The following BCAT1 variants were observed in gnomAD, a reference collection of about 807,000 sequenced individuals.
The protein encoded by BCAT1 is branched-chain-amino-acid aminotransferase, cytosolic.
A neutral mutation model predicts 52.4 loss-of-function variants in BCAT1; 48 were observed. The observed-to-expected ratio is 0.92, with a 90% confidence interval of 0.73 to 1.16. The LOEUF (loss-of-function observed/expected upper bound fraction) is 1.16, where lower values mean the gene tolerates loss of function less well. Among genes scored for constraint, BCAT1 ranks in the 50% most tolerant of loss-of-function variants. The probability of loss-of-function intolerance (pLI) is 0.00; values close to 1 mark genes in which losing one functional copy is unlikely to be tolerated. For synonymous variants in BCAT1, 167 were observed against 161.3 expected (o/e 1.04, Z -0.27); for missense variants, 451 against 457.1 (o/e 0.99, Z 0.12).
intron 7 of BCAT1, among the ~76,000 whole-genome samples, chr12:24,840,628 T>C (rs1473539984): frequency 6.6e-6 from 1 of 152,204 alleles, no homozygotes; most frequent in African/African-American, 2.4e-5. Context: ...ATATCTTCTG[T>C]TTATTCTACC....
intron 6 of BCAT1, among the ~76,000 whole-genome samples, chr12:24,849,395 G>C (rs1321497552): frequency 6.6e-6 from 1 of 152,194 alleles, no homozygotes; most frequent in Non-Finnish European, 1.5e-5. Context: ...TGGGTCCCAG[G>C]ACCAGATGCT....
rs1258411951 is a variant in BCAT1 at position 24,880,743 on chromosome 12, C to T, written c.390+558G>A. 2.6e-5 allele frequency among the ~76,000 whole-genome samples: 4 copies of T among 152,114 alleles called. No individual in the cohort carries two copies. In the East Asian group the frequency reaches 7.7e-4, roughly 29 times the overall value. The stretch of plus-strand genomic sequence containing the variant: ...GGTTGAGATACATTTTTCTTCCTTA[C>T]TCTTTCATCTCTCACTTGCATATGA... On this transcript the variant is annotated intron_variant, in intron 4 of 10. Transcript: ENST00000261192.
intron 7 of BCAT1, among the ~76,000 whole-genome samples, chr12:24,840,948 G>C (rs1565457017): frequency 6.6e-6 from 1 of 152,014 alleles, no homozygotes; most frequent in African/African-American, 2.4e-5. Context: ...TTCTAAATTT[G>C]GTATGATTAT....
At chr12:24,886,023 C>G (rs1454008182) in intron 3 of BCAT1, among the ~76,000 whole-genome samples, 2 of 152,112 alleles carry the variant, frequency 1.3e-5, no homozygotes, top group African/African-American at 2.4e-5. Context: ...AAACATATTT[C>G]TTGTCATCAA....
At chr12:24,853,020 T>C (rs1367318442) in intron 5 of BCAT1, among the ~76,000 whole-genome samples, 1 of 152,238 alleles carries the variant, frequency 6.6e-6, no homozygotes, top group Non-Finnish European at 1.5e-5. Flanking sequence ...TCTGTTTCTA[T>C]GCTTAGGAGT....
intron 1 of BCAT1, chr12:24,904,738 A>G (rs1047162384): frequency 3.3e-5 from 5 of 152,250 alleles, no homozygotes; most frequent in Non-Finnish European, 7.3e-5. Flanking sequence ...AAAACGGTGT[A>G]TCTATCCACC....
Position 24,819,425 on chromosome 12 carries a change from G to A in BCAT1, c.1120-1376C>T, listed in dbSNP as rs746434334. Among the ~76,000 whole-genome samples, 47 of 152,092 alleles carry A rather than the reference G, an allele frequency of 3.1e-4. 1 individual carries two copies. Among genetic ancestry groups the A allele is most frequent in the Non-Finnish European group, 1.2e-4 (8 of 68,012 alleles). On this transcript the variant is annotated intron_variant, in intron 10 of 10. Coordinates refer to ENST00000261192, the MANE Select transcript of BCAT1 (RefSeq NM_005504.7). ...GTAGGAGATGACTCAAATAAGTGGG[G>A]CTCTGGATTTTACTTCTTTACTTCA...
At chr12:24,844,274 CA>C (rs146665060) in intron 6 of BCAT1, among the ~76,000 whole-genome samples, 6 of 151,450 alleles carry the variant, frequency 4.0e-5, no homozygotes, top group African/African-American at 1.5e-4. Context: ...CTAAAAATAA[CA>C]AAAAAATTAG....
intron 5 of BCAT1, among the ~76,000 whole-genome samples, chr12:24,864,076 A>T (rs1406519157): frequency 6.6e-6 from 1 of 152,300 alleles, no homozygotes; most frequent in Admixed American, 6.5e-5. Flanking sequence ...CTGCTTTTGT[A>T]CTATAAAAGC....
At chr12:24,825,135 G>GTATA (rs10548732) in intron 10 of BCAT1, among the ~76,000 whole-genome samples, 80 of 146,560 alleles carry the variant, frequency 5.5e-4, no homozygotes, top group African/African-American at 1.6e-3. Context: ...GTGTGTGTGT[G>GTATA]TATATATATA....
Position 24,822,396 on chromosome 12 carries a change from GGTT to G in BCAT1, c.1120-4350_1120-4348del, listed in dbSNP as rs1292619034. 5.3e-5 allele frequency among the ~76,000 whole-genome samples: 8 copies of G among 152,296 alleles called. No homozygotes were observed. In the East Asian group the frequency reaches 1.5e-3, roughly 29 times the overall value. On this transcript the variant is annotated intron_variant, in intron 10 of 10. Coordinates refer to ENST00000261192, the MANE Select transcript of BCAT1 (RefSeq NM_005504.7). ...GAGCCATACTGGCAAGAATCTTGAA[GGTT>G]TTTTCGGTGGCTGTTGTTGGCCTCT...
chr12:24,817,755 T>G lies in BCAT1; in HGVS notation c.*253A>C. 1 of 450,384 alleles carries G rather than the reference T, an allele frequency of 2.2e-6. No homozygotes were observed. The highest frequency in any genetic ancestry group is 4.1e-5 in the South Asian group (1 of 24,674). 27.9% of individuals were successfully genotyped at this position (450,384 alleles called of 1,614,324 possible). On this transcript the variant is annotated 3_prime_UTR_variant, in exon 11 of 11. Coordinates refer to ENST00000261192, the MANE Select transcript of BCAT1 (RefSeq NM_005504.7). ...TAAAATCATTGAGGAAAATCCCATGTTATATGGCTTACATTAATGTTTTTC... is the reference window on the plus strand; with the variant it reads ...TAAAATCATTGAGGAAAATCCCATGGTATATGGCTTACATTAATGTTTTTC...
intron 8 of BCAT1, among the ~76,000 whole-genome samples, chr12:24,835,440 A>G (rs1482884767): frequency 1.3e-5 from 2 of 152,218 alleles, no homozygotes; most frequent in African/African-American, 4.8e-5. Context: ...GACCATTTTA[A>G]CACCTGGGTC....
intron 2 of BCAT1, among the ~76,000 whole-genome samples, chr12:24,894,714 T>G (rs1565487453): frequency 6.6e-6 from 1 of 152,118 alleles, no homozygotes; most frequent in African/African-American, 2.4e-5. Context: ...CAGTGATATA[T>G]AGAAGAGGGA....
intron 1 of BCAT1, among the ~76,000 whole-genome samples, chr12:24,925,590 C>T (rs1352666579): frequency 6.6e-6 from 1 of 151,472 alleles, no homozygotes; most frequent in Non-Finnish European, 1.5e-5. Context: ...CTCTCCCTCT[C>T]CCCACGGTCT....
At chr12:24,864,036 C>T (rs139883024) in intron 5 of BCAT1, among the ~76,000 whole-genome samples, 51 of 152,206 alleles carry the variant, frequency 3.4e-4, no homozygotes, top group African/African-American at 1.2e-3. Context: ...TTTATTGGAA[C>T]ATGTTCATTT....
At chr12:24,864,442 C>T (rs900593162) in intron 5 of BCAT1, among the ~76,000 whole-genome samples, 6 of 152,166 alleles carry the variant, frequency 3.9e-5, no homozygotes, top group African/African-American at 1.2e-4. Flanking sequence ...CACCAAGACA[C>T]TATGGTGTCA....
intron 5 of BCAT1, among the ~76,000 whole-genome samples, chr12:24,866,632 T>A (rs528124896): frequency 6.6e-6 from 1 of 152,302 alleles, no homozygotes; most frequent in East Asian, 1.9e-4. Context: ...ATCGGCGCTC[T>A]GTATCTAGCT....
chr12:24,874,544 CT>C (rs1942274610), intron 5 of BCAT1, among the ~76,000 whole-genome samples: 1 of 152,190 alleles, frequency 6.6e-6, no homozygotes, highest in South Asian at 2.1e-4. Context: ...TGAAGTTTAG[CT>C]TTCAATTATA....
Sources: gnomAD v4.1 joint callset for allele counts (sites outside exome capture counted in the v4.1 genomes callset) on GRCh38, gnomAD v4.1.1 for gene constraint, MANE v1.5 for transcripts, NCBI Gene and HGNC (gene_info 2026-07-23, HGNC 2026-07-21) for gene names.